The following PTK2 variants were observed in gnomAD, a reference collection of about 807,000 sequenced individuals.
The protein encoded by PTK2 is protein tyrosine kinase 2.
In PTK2, 45 loss-of-function variants were observed where a neutral mutation model predicts 150.1. That is an observed-to-expected ratio of 0.30 (90% CI 0.24 to 0.38). The LOEUF is 0.38. PTK2 is among the 10% of genes least tolerant of loss of function. The probability of loss-of-function intolerance (pLI) is 1.00; values close to 1 mark genes in which losing one functional copy is unlikely to be tolerated. For missense variants in PTK2, 919 were observed against 1,307.3 expected, an observed-to-expected ratio of 0.70 and a Z score of 4.58; for synonymous variants, 432 against 449.2, an observed-to-expected ratio of 0.96 and a Z score of 0.48.
chr8:140,881,516 A>T (rs1417054615), intron 3 of PTK2, among the ~76,000 whole-genome samples: 1 of 152,188 alleles, frequency 6.6e-6, no homozygotes, highest in Non-Finnish European at 1.5e-5. Flanking sequence ...TCCTTGCTCC[A>T]CAGCTCACTG....
At chr8:140,996,921 T>C (rs1016329345) in intron 1 of PTK2, among the ~76,000 whole-genome samples, 2 of 152,234 alleles carry the variant, frequency 1.3e-5, no homozygotes, top group South Asian at 2.1e-4. Context: ...CATAAGGGTA[T>C]AGCTGCCATA....
intron 2 of PTK2, among the ~76,000 whole-genome samples, chr8:140,902,775 CA>C (rs1449410381): frequency 6.6e-6 from 1 of 152,020 alleles, no homozygotes; most frequent in Admixed American, 6.6e-5. Flanking sequence ...AGTGTCTGTT[CA>C]TATCCTTCGC....
intron 10 of PTK2, among the ~76,000 whole-genome samples, chr8:140,804,595 G>A (rs966271980): frequency 1.3e-5 from 2 of 152,134 alleles, no homozygotes; most frequent in African/African-American, 4.8e-5. Context: ...ATCTCATGAG[G>A]ATGATCATTT....
intron 29 of PTK2, among the ~76,000 whole-genome samples, chr8:140,671,500 G>A (rs1046911558): frequency 6.6e-6 from 1 of 152,114 alleles, no homozygotes; most frequent in African/African-American, 2.4e-5. Context: ...AATTACAGGC[G>A]TGAGCCACTG....
chr8:140,765,705 T>C (rs2100071898), intron 14 of PTK2, among the ~76,000 whole-genome samples: 1 of 152,168 alleles, frequency 6.6e-6, no homozygotes, highest in Admixed American at 6.5e-5. Flanking sequence ...CAGCAAATAC[T>C]AAGAACAGTA....
intron 17 of PTK2, among the ~76,000 whole-genome samples, chr8:140,748,275 C>T (rs2100060654): frequency 6.6e-6 from 1 of 152,082 alleles, no homozygotes; most frequent in Non-Finnish European, 1.5e-5. Flanking sequence ...GGGCCGATCA[C>T]CTGAGGTCAG....
At chr8:140,852,636 C>T (rs2100130020) in intron 5 of PTK2, among the ~76,000 whole-genome samples, 1 of 151,992 alleles carries the variant, frequency 6.6e-6, no homozygotes, top group African/African-American at 2.4e-5. Context: ...TAAATTATAC[C>T]TCAATAAAAC....
At chr8:140,659,540 C>A in exon 32 of PTK2, 1 of 1,613,912 alleles carries the variant, frequency 6.2e-7, no homozygotes, top group Non-Finnish European at 8.5e-7. Flanking sequence ...TTGGCATCCA[C>A]AGCCAGGGCG....
At chr8:140,781,966 T>G (rs2100081955) in intron 14 of PTK2, among the ~76,000 whole-genome samples, 1 of 152,052 alleles carries the variant, frequency 6.6e-6, no homozygotes, top group African/African-American at 2.4e-5. Flanking sequence ...GCTGGGCTAT[T>G]TTGATTGTTC....
At chr8:140,936,929 A>G (rs2100173835) in intron 1 of PTK2, among the ~76,000 whole-genome samples, 1 of 152,158 alleles carries the variant, frequency 6.6e-6, no homozygotes, top group African/African-American at 2.4e-5. Context: ...TTAATTACAT[A>G]AAGCTATTAT....
chr8:140,742,427 T>A (rs1565457082), intron 20 of PTK2, among the ~76,000 whole-genome samples: 1 of 152,264 alleles, frequency 6.6e-6, no homozygotes, highest in Non-Finnish European at 1.5e-5. Context: ...ATAACACTTG[T>A]ATGCTTAATT....
At chr8:140,709,392 A>G (rs1248041701) in intron 23 of PTK2, among the ~76,000 whole-genome samples, 1 of 152,216 alleles carries the variant, frequency 6.6e-6, no homozygotes, top group Non-Finnish European at 1.5e-5. Flanking sequence ...TATTTGCACA[A>G]AGGACAACAC....
chr8:140,950,885 T>C (rs1332444096), intron 1 of PTK2, among the ~76,000 whole-genome samples: 1 of 152,074 alleles, frequency 6.6e-6, no homozygotes. Context: ...CTCCATAGAT[T>C]TTGGTATCTT....
At chr8:140,803,778 A>G (rs939516611) in intron 10 of PTK2, 128 bp from the exon 11 acceptor site, 56 of 816,390 alleles carry the variant, frequency 6.9e-5, no homozygotes, top group Admixed American at 1.0e-4. Flanking sequence ...CTGGGGAAAA[A>G]AACAGATTCT....
intron 1 of PTK2, among the ~76,000 whole-genome samples, chr8:140,989,042 G>A (rs1230712648): frequency 6.6e-6 from 1 of 151,772 alleles, no homozygotes. Flanking sequence ...GGAAAAGACT[G>A]ATAAACTGGA....
intron 23 of PTK2, among the ~76,000 whole-genome samples, chr8:140,715,233 C>T (rs1010710326): frequency 8.7e-5 from 10 of 114,336 alleles, no homozygotes; most frequent in Admixed American, 2.7e-4. Context: ...AGTGCAGTGG[C>T]GTGATCTCGG....
At chr8:140,807,372 T>C (rs772794590) in intron 10 of PTK2, among the ~76,000 whole-genome samples, 50 of 152,220 alleles carry the variant, frequency 3.3e-4, no homozygotes, top group Admixed American at 2.0e-3. Flanking sequence ...ACTAGGTATA[T>C]TACATTCAGA....
chr8:140,953,346 C>T (rs1289096260), intron 1 of PTK2, among the ~76,000 whole-genome samples: 1 of 152,048 alleles, frequency 6.6e-6, no homozygotes, highest in Admixed American at 6.6e-5. Flanking sequence ...ACAATTATAA[C>T]AATATGCCAG....
At chr8:140,868,693 A>C (rs1458453715) in intron 4 of PTK2, among the ~76,000 whole-genome samples, 1 of 152,224 alleles carries the variant, frequency 6.6e-6, no homozygotes, top group African/African-American at 2.4e-5. Flanking sequence ...GCAAAACCTT[A>C]ATCATAAAAA....
Sources: gnomAD v4.1 joint callset for allele counts (sites outside exome capture counted in the v4.1 genomes callset) on GRCh38, gnomAD v4.1.1 for gene constraint, MANE v1.5 for transcripts, NCBI Gene and HGNC (gene_info 2026-07-23, HGNC 2026-07-21) for gene names.